ZNF608: variants seen among roughly 807,000 people sequenced by gnomAD.
ZNF608 encodes zinc finger protein 608, also known as renal carcinoma antigen NY-REN-36.
A neutral mutation model predicts 109.0 loss-of-function variants in ZNF608; 12 were observed. The observed-to-expected ratio is 0.11, with a 90% CI of 0.07 to 0.18. The LOEUF is 0.18. ZNF608 is among the 10% of genes least tolerant of loss of function. ZNF608 has a pLI of 1.00. For synonymous variants in ZNF608, 732 were observed against 717.4 expected (o/e 1.02, Z -0.33); for missense variants, 1,707 against 1,879.3 (o/e 0.91, Z 1.70).
At chr5:124,666,625 C>T (rs937206034) in intron 3 of ZNF608, among the ~76,000 whole-genome samples, 7 of 151,960 alleles carry the variant, frequency 4.6e-5, no homozygotes, top group Middle Eastern at 3.4e-3. Flanking sequence ...AGGCACATTC[C>T]GCTCCCCCAG....
rs746610497 is a variant in ZNF608, at chr5:124,693,974, C to CTTTTTTT, written c.1162+7033_1162+7039dup. ...GTGAAGCTGGTAACATTTCATTAAT[C>CTTTTTTT]TTTTTTTTTTTTTTTTTTTGAGAGA... On this transcript the variant is annotated intron_variant, in intron 3 of 9. Transcript: ENST00000513986. Among the ~76,000 whole-genome samples, 218 of 60,946 alleles carry CTTTTTTT rather than the reference C, an allele frequency of 3.6e-3. 67 individuals are homozygous for CTTTTTTT. The highest frequency in any genetic ancestry group is 0.015 in the African/African-American group (197 of 13,204). The allele number at this position is 60,946 out of a possible 152,430, so 40.0% of individuals were successfully genotyped here.
intron 3 of ZNF608, among the ~76,000 whole-genome samples, chr5:124,684,261 C>T (rs958069020): frequency 1.8e-4 from 27 of 152,194 alleles, no homozygotes; most frequent in Admixed American, 2.6e-4. Flanking sequence ...ATGAAGAACA[C>T]TCTAATATCT....
intron 2 of ZNF608, among the ~76,000 whole-genome samples, chr5:124,741,147 T>A (rs1283798965): frequency 6.6e-6 from 1 of 152,194 alleles, no homozygotes; most frequent in Non-Finnish European, 1.5e-5. Context: ...AATTATGGCA[T>A]GTTTTGATTT....
intron 3 of ZNF608, among the ~76,000 whole-genome samples, chr5:124,668,739 C>T (rs992533395): frequency 1.6e-4 from 25 of 152,110 alleles, no homozygotes; most frequent in Non-Finnish European, 7.4e-5. Flanking sequence ...AGGAGCCTTT[C>T]GGGAATTTTG....
At chr5:124,641,433 C>A (rs1750235663) in intron 7 of ZNF608, 28 bp from the exon 8 acceptor site, 1 of 1,586,426 alleles carries the variant, frequency 6.3e-7, no homozygotes, top group Non-Finnish European at 8.6e-7. Context: ...AATTTTCCCC[C>A]TTCATGCTCT....
intron 3 of ZNF608, among the ~76,000 whole-genome samples, chr5:124,677,089 G>C (rs2149820088): frequency 6.6e-6 from 1 of 152,154 alleles, no homozygotes; most frequent in East Asian, 1.9e-4. Flanking sequence ...ATATTATTTT[G>C]CATATATATT....
At chr5:124,711,709 A>G (rs4362937) in intron 2 of ZNF608, among the ~76,000 whole-genome samples, 98,644 of 152,086 alleles carry the variant, frequency 0.65, 33,335 homozygotes, top group African/African-American at 0.84. Context: ...GCAGAGCCAA[A>G]TGTGGTCAGA....
chr5:124,661,465 TTC>T (rs1335662540), intron 3 of ZNF608, among the ~76,000 whole-genome samples: 4 of 140,134 alleles, frequency 2.9e-5, no homozygotes, highest in African/African-American at 1.1e-4. Flanking sequence ...CATTCCAAAG[TTC>T]TTATCTTTCA....
intron 3 of ZNF608, among the ~76,000 whole-genome samples, chr5:124,669,300 C>A (rs565821018): frequency 7.2e-5 from 11 of 152,278 alleles, no homozygotes; most frequent in African/African-American, 2.6e-4. Context: ...CATTTTATCA[C>A]AAGGCTTACA....
intron 3 of ZNF608, among the ~76,000 whole-genome samples, chr5:124,688,304 C>T (rs998932059): frequency 6.6e-6 from 1 of 152,172 alleles, no homozygotes; most frequent in Non-Finnish European, 1.5e-5. Context: ...AGAGCCCAGC[C>T]GTGTGGTCTC....
chr5:124,658,808 G>C (rs1751120790), intron 3 of ZNF608, among the ~76,000 whole-genome samples: 1 of 152,266 alleles, frequency 6.6e-6, no homozygotes, highest in South Asian at 2.1e-4. Context: ...TCATTAGCTT[G>C]TTAGGACACA....
At chr5:124,668,195 A>AAT (rs34612595) in intron 3 of ZNF608, among the ~76,000 whole-genome samples, 4,277 of 135,598 alleles carry the variant, frequency 0.032, 97 homozygotes, top group Middle Eastern at 0.11. Flanking sequence ...TATGCTTAAA[A>AAT]ATATATATAT....
At chr5:124,736,198 CA>C (rs1749133234) in intron 2 of ZNF608, among the ~76,000 whole-genome samples, 1 of 152,176 alleles carries the variant, frequency 6.6e-6, no homozygotes, top group African/African-American at 2.4e-5. Context: ...AGCACGGGAA[CA>C]CATAACTAAA....
upstream of ZNF608, chr5:124,748,580 G>A: frequency 1.0e-6 from 1 of 985,320 alleles, no homozygotes; most frequent in South Asian, 4.7e-5. Flanking sequence ...TGCATTGAAT[G>A]TGTTTGGTTG....
Position 124,647,922 on chromosome 5 carries a change from T to C in ZNF608, c.2462A>G (p.Asp821Gly). The C allele has an allele frequency of 6.2e-7, 1 of 1,614,188 alleles. No individual in the cohort carries two copies. Among genetic ancestry groups the C allele is most frequent in the Non-Finnish European group, 8.5e-7 (1 of 1,180,022 alleles). ...KKKKEKRKLK[D>G]KEGKETGSPK... ...GCTTCCCGTCTCTTTCCCTTCTTTG[T>C]CCTTTAGCTTTCGCTTCTCCTTTTT... The change falls in exon 5 of 10, where the codon GAC (aspartate) becomes GGC (glycine). Residue 821 changes from aspartate to glycine, a missense_variant. Coordinates refer to ENST00000513986, the MANE Select transcript of ZNF608 (RefSeq NM_020747.3).
In ZNF608 at chr5:124,648,790, T is replaced by C; in HGVS notation, c.1594A>G (p.Thr532Ala). ...RVRTNSRSTP[T>A]TPQGKPETTF... ...GTCTCTGGTTTCCCTTGAGGGGTAG[T>C]GGGAGTGCTTCTGGAATTTGTGCGG... The change falls in exon 5 of 10, where the codon ACT becomes GCT. Residue 532 changes from threonine (T) to alanine (A), a missense_variant. Thr to Ala is a moderately conservative substitution (Grantham distance 58, BLOSUM62 0). Around this residue, in one of 7 missense-constraint regions of ZNF608, gnomAD observed 166 missense variants for 204.2 expected, o/e 0.81. Coordinates refer to ENST00000513986, the MANE Select transcript of ZNF608 (RefSeq NM_020747.3). 6.2e-7 allele frequency: 1 copy of C among 1,614,200 alleles called. No homozygotes were observed.
chr5:124,706,743 A>G (rs751999648), intron 2 of ZNF608, among the ~76,000 whole-genome samples: 70 of 152,176 alleles, frequency 4.6e-4, no homozygotes, highest in Admixed American at 1.0e-3. Context: ...GAAAAAAAAG[A>G]CCCATAAGTC....
At chr5:124,690,924 AAC>A (rs35022360) in intron 3 of ZNF608, among the ~76,000 whole-genome samples, 53 of 86,968 alleles carry the variant, frequency 6.1e-4, no homozygotes, top group Middle Eastern at 4.8e-3. Flanking sequence ...GCAACAGAAA[AAC>A]ACACACACAC....
At chr5:124,722,449 C>T (rs1028866719) in intron 2 of ZNF608, among the ~76,000 whole-genome samples, 1 of 152,098 alleles carries the variant, frequency 6.6e-6, no homozygotes, top group Non-Finnish European at 1.5e-5. Flanking sequence ...AGGGCTGGAG[C>T]TGCAAATCAT....
Sources: gnomAD v4.1 joint callset for allele counts (sites outside exome capture counted in the v4.1 genomes callset) on GRCh38, gnomAD v4.1.1 for gene constraint, gnomAD v4.1.1 regional missense constraint, MANE v1.5 for transcripts, NCBI Gene and HGNC (gene_info 2026-07-23, HGNC 2026-07-21) for gene names.